CTNNA3: variants seen among roughly 807,000 people sequenced by gnomAD.
The protein encoded by CTNNA3 is catenin alpha 3.
A neutral mutation model predicts 95.7 loss-of-function variants in CTNNA3; 76 were observed. That is an observed-to-expected ratio of 0.79 (90% confidence interval 0.66 to 0.96). The LOEUF is 0.96. Ranked by LOEUF, CTNNA3 falls within the 40% of genes least tolerant of loss-of-function variation. CTNNA3 has a pLI of 0.00. For missense variants in CTNNA3, 1,191 were observed against 1,089.8 expected (o/e 1.09, Z -1.31); for synonymous variants, 431 against 374.4 (o/e 1.15, Z -1.74).
At chr10:66,764,209 C>A (rs1310652912) in intron 9 of CTNNA3, among the ~76,000 whole-genome samples, 1 of 152,066 alleles carries the variant, frequency 6.6e-6, no homozygotes, top group Admixed American at 6.6e-5. Context: ...CCCAATAGTT[C>A]ATAATTCCAA....
chr10:66,318,261 G>GAT (rs1554932044), intron 12 of CTNNA3, among the ~76,000 whole-genome samples: 17,083 of 137,288 alleles, frequency 0.12, 1,253 homozygotes, highest in East Asian at 0.27. Context: ...GTTGCTGGGA[G>GAT]ATATATATAT....
chr10:66,005,283 C>T (rs927154855), intron 15 of CTNNA3, among the ~76,000 whole-genome samples: 1 of 152,198 alleles, frequency 6.6e-6, no homozygotes, highest in Non-Finnish European at 1.5e-5. Context: ...ATTTAGCCTA[C>T]ACAGCCCTCA....
At chr10:66,044,398 AC>A (rs2079778651) in intron 15 of CTNNA3, among the ~76,000 whole-genome samples, 1 of 150,932 alleles carries the variant, frequency 6.6e-6, no homozygotes, top group African/African-American at 2.4e-5. Context: ...TTAAAACAAC[AC>A]CCTTTAATGT....
chr10:67,327,665 A>C (rs1841597457), intron 5 of CTNNA3, among the ~76,000 whole-genome samples: 1 of 152,208 alleles, frequency 6.6e-6, no homozygotes, highest in Non-Finnish European at 1.5e-5. Context: ...GGGTGGTGTC[A>C]GCCAAAGTGT....
At chr10:66,782,113 C>T (rs942399432) in intron 7 of CTNNA3, among the ~76,000 whole-genome samples, 8 of 152,138 alleles carry the variant, frequency 5.3e-5, no homozygotes, top group Admixed American at 2.6e-4. Flanking sequence ...CATCACCTGA[C>T]AGCTTTATGT....
chr10:66,150,862 T>A (rs1254953347), intron 13 of CTNNA3, among the ~76,000 whole-genome samples: 1 of 152,048 alleles, frequency 6.6e-6, no homozygotes, highest in African/African-American at 2.4e-5. Flanking sequence ...TACTGAGGAA[T>A]AATGTTATGC....
At chr10:66,358,890 TTACAGTTG>T (rs1276855899) in intron 12 of CTNNA3, among the ~76,000 whole-genome samples, 1 of 152,212 alleles carries the variant, frequency 6.6e-6, no homozygotes, top group Non-Finnish European at 1.5e-5. Flanking sequence ...CTTATAAAAC[TTACAGTTG>T]TATTATGCTC....
chr10:65,933,662 T>A (rs185358090), intron 17 of CTNNA3, among the ~76,000 whole-genome samples: 4 of 152,318 alleles, frequency 2.6e-5, no homozygotes, highest in Non-Finnish European at 5.9e-5. Flanking sequence ...AATGGCCATG[T>A]TCTAAGATCC....
At chr10:66,090,217 T>C (rs538242411) in intron 14 of CTNNA3, among the ~76,000 whole-genome samples, 1 of 151,954 alleles carries the variant, frequency 6.6e-6, no homozygotes. Flanking sequence ...TGTAAAGGAC[T>C]TTGTACATAG....
In CTNNA3 at chr10:67,757,856, C is replaced by T. The variant is rs184608178; in HGVS notation, c.-2+5578G>A. Among the ~76,000 whole-genome samples, 806 of 152,234 alleles carry T rather than the reference C, an allele frequency of 5.3e-3. 2 individuals carry two copies. The highest frequency in any genetic ancestry group is 9.1e-3 in the Admixed American group (139 of 15,290). ...CTTAATAAACTCTCTTTAATATATACGTCTATCCTATTAGTTCTGTCCCTC... is the reference window on the plus strand; with the variant it reads ...CTTAATAAACTCTCTTTAATATATATGTCTATCCTATTAGTTCTGTCCCTC... On this transcript the variant is annotated intron_variant, in intron 1 of 17. Coordinates refer to the CTNNA3 transcript ENST00000684154.
chr10:67,421,237 C>T (rs568501183), intron 5 of CTNNA3, among the ~76,000 whole-genome samples: 1 of 152,314 alleles, frequency 6.6e-6, no homozygotes, highest in East Asian at 1.9e-4. Flanking sequence ...ATGTCTGCTA[C>T]TTTGCAGGTT....
intron 3 of CTNNA3, among the ~76,000 whole-genome samples, chr10:67,555,429 T>C (rs1315149120): frequency 6.6e-6 from 1 of 152,206 alleles, no homozygotes; most frequent in East Asian, 1.9e-4. Context: ...TTTTATTTCG[T>C]TGAGCAGTGG....
rs143908597 is a variant in CTNNA3 at position 66,202,583 on chromosome 10, C to T, written c.1884+77887G>A. Among the ~76,000 whole-genome samples, 204 of 152,216 alleles carry T rather than the reference C, an allele frequency of 1.3e-3. 1 individual carries two copies. Among genetic ancestry groups the T allele is most frequent in the South Asian group, 2.1e-3 (10 of 4,824 alleles). ...AACGCTTCTGAATGTAGTTTTGCTCCGGTTTTTCTTTTAACAGCACCTATA... is the reference window on the plus strand; with the variant it reads ...AACGCTTCTGAATGTAGTTTTGCTCTGGTTTTTCTTTTAACAGCACCTATA... On this transcript the variant is annotated intron_variant, in intron 13 of 17. Coordinates refer to ENST00000433211, the MANE Select transcript of CTNNA3 (RefSeq NM_013266.4).
rs2132957490 is a variant in CTNNA3 at position 67,449,814 on chromosome 10, C to T, written c.579+72028G>A. On this transcript the variant is annotated intron_variant, in intron 5 of 17. Coordinates refer to ENST00000433211, the MANE Select transcript of CTNNA3 (RefSeq NM_013266.4). Reference sequence around the variant, plus strand: ...AAAAGCAAAAATTGACAAATGGGATCTAATTAAACTAAAGAGCTTCTGCAC... The same window carrying T: ...AAAAGCAAAAATTGACAAATGGGATTTAATTAAACTAAAGAGCTTCTGCAC... Among the ~76,000 whole-genome samples the T allele has an allele frequency of 2.0e-5, 3 of 152,172 alleles. No homozygotes were observed. In the South Asian group the frequency reaches 6.2e-4, roughly 32 times the overall value.
intron 7 of CTNNA3, among the ~76,000 whole-genome samples, chr10:66,863,485 G>A (rs1844038936): frequency 6.6e-6 from 1 of 152,062 alleles, no homozygotes; most frequent in East Asian, 1.9e-4. Context: ...GTGAAAATTA[G>A]TGAAAGTCCA....
intron 13 of CTNNA3, among the ~76,000 whole-genome samples, chr10:66,225,448 A>T (rs2089235088): frequency 1.4e-5 from 2 of 145,966 alleles, no homozygotes; most frequent in African/African-American, 5.1e-5. Flanking sequence ...CATCGTGTAT[A>T]TATACTATAT....
chr10:66,557,417 A>C (rs1220592183), intron 10 of CTNNA3, among the ~76,000 whole-genome samples: 2 of 152,156 alleles, frequency 1.3e-5, no homozygotes, highest in Non-Finnish European at 2.9e-5. Flanking sequence ...TATTCCATAC[A>C]TGCTCTGATA....
At chr10:67,331,644 A>T (rs2132584611) in intron 5 of CTNNA3, among the ~76,000 whole-genome samples, 1 of 152,296 alleles carries the variant, frequency 6.6e-6, no homozygotes, top group East Asian at 1.9e-4. Context: ...CCTTGGTAGC[A>T]GAGTGAGATG....
At chr10:67,486,683 A>C (rs1848462572) in intron 5 of CTNNA3, among the ~76,000 whole-genome samples, 1 of 152,176 alleles carries the variant, frequency 6.6e-6, no homozygotes, top group African/African-American at 2.4e-5. Context: ...AGTGCCAAAT[A>C]ACTGCTAGCT....
Sources: allele counts gnomAD v4.1 joint callset (sites outside exome capture counted in the v4.1 genomes callset), GRCh38; gene constraint gnomAD v4.1.1; transcripts MANE v1.5; gene names NCBI Gene and HGNC (gene_info 2026-07-23, HGNC 2026-07-21).